The following UNC5D variants were observed in gnomAD, a reference collection of about 807,000 sequenced individuals.
UNC5D encodes unc-5 netrin receptor D.
UNC5D carries 39 observed loss-of-function variants against 105.4 expected under a neutral mutation model. The observed-to-expected ratio is 0.37, with a 90% CI of 0.29 to 0.48. The LOEUF (loss-of-function observed/expected upper bound fraction) is 0.48, where lower values mean the gene tolerates loss of function less well. Ranked by LOEUF, UNC5D falls within the 20% of genes least tolerant of loss-of-function variation. The probability of loss-of-function intolerance (pLI) is 0.98; values close to 1 mark genes in which losing one functional copy is unlikely to be tolerated. For synonymous variants in UNC5D, 452 were observed against 450.4 expected (o/e 1.00, Z -0.04); for missense variants, 991 against 1,202.4 (o/e 0.82, Z 2.60).
intron 2 of UNC5D, among the ~76,000 whole-genome samples, chr8:35,550,662 C>T (rs1250955850): frequency 6.6e-6 from 1 of 152,096 alleles, no homozygotes; most frequent in Non-Finnish European, 1.5e-5. Context: ...CAAATATGCC[C>T]ATGAATGCTA....
At chr8:35,595,438 T>A (rs1300625405) in intron 3 of UNC5D, 116 bp from the exon 4 acceptor site, 1 of 782,638 alleles carries the variant, frequency 1.3e-6, no homozygotes, top group Admixed American at 2.2e-5. Flanking sequence ...AAGTGACTTA[T>A]TTTTGTGTGT....
chr8:35,614,193 A>G (rs1163086104), intron 4 of UNC5D, among the ~76,000 whole-genome samples: 1 of 152,176 alleles, frequency 6.6e-6, no homozygotes, highest in Non-Finnish European at 1.5e-5. Context: ...GGTGTTCTTA[A>G]TGAAAGGTTC....
intron 1 of UNC5D, among the ~76,000 whole-genome samples, chr8:35,383,894 C>A (rs1803198739): frequency 1.3e-5 from 2 of 151,996 alleles, no homozygotes; most frequent in Non-Finnish European, 2.9e-5. Context: ...GCCTGGGTGA[C>A]ATAACAAGAC....
intron 7 of UNC5D, among the ~76,000 whole-genome samples, chr8:35,697,967 C>G (rs745571209): frequency 1.3e-5 from 2 of 152,006 alleles, no homozygotes; most frequent in African/African-American, 2.4e-5. Flanking sequence ...AATCTCAACC[C>G]CCACCATCTT....
intron 1 of UNC5D, among the ~76,000 whole-genome samples, chr8:35,407,301 C>T (rs1804867851): frequency 6.6e-6 from 1 of 151,856 alleles, no homozygotes; most frequent in Non-Finnish European, 1.5e-5. Flanking sequence ...AGAACATATC[C>T]CTGTTGTTAA....
chr8:35,438,801 T>G (rs1166412147), intron 1 of UNC5D, among the ~76,000 whole-genome samples: 1 of 152,016 alleles, frequency 6.6e-6, no homozygotes, highest in Non-Finnish European at 1.5e-5. Flanking sequence ...CTAAAGAATT[T>G]AGGATATCAA....
chr8:35,657,078 G>GTGTGTGTA (rs1823801558), intron 4 of UNC5D, among the ~76,000 whole-genome samples: 2 of 80,558 alleles, frequency 2.5e-5, no homozygotes, highest in Non-Finnish European at 4.6e-5. Context: ...GTGTGTGTGT[G>GTGTGTGTA]TGTATATATA....
At chr8:35,352,904 A>G (rs982877187) in intron 1 of UNC5D, among the ~76,000 whole-genome samples, 2 of 152,076 alleles carry the variant, frequency 1.3e-5, no homozygotes, top group Non-Finnish European at 2.9e-5. Flanking sequence ...TGAGCCACTG[A>G]GCCTGGCCAA....
At chr8:35,766,120 T>C (rs868440758) in intron 14 of UNC5D, among the ~76,000 whole-genome samples, 7 of 152,216 alleles carry the variant, frequency 4.6e-5, no homozygotes, top group South Asian at 4.2e-4. Flanking sequence ...TACTAAAAGG[T>C]ATTTTTGCCT....
intron 1 of UNC5D, among the ~76,000 whole-genome samples, chr8:35,278,534 C>A (rs1805928948): frequency 6.6e-6 from 1 of 151,888 alleles, no homozygotes; most frequent in Non-Finnish European, 1.5e-5. Flanking sequence ...TGTACATTAC[C>A]TAGAGAACCA....
intron 1 of UNC5D, among the ~76,000 whole-genome samples, chr8:35,421,359 G>A (rs778114549): frequency 3.3e-5 from 5 of 152,082 alleles, no homozygotes; most frequent in Non-Finnish European, 5.9e-5. Context: ...CTCACCTAAC[G>A]CCTGTATGGG....
chr8:35,730,313 A>G (rs186825695), intron 10 of UNC5D, among the ~76,000 whole-genome samples: 98 of 152,280 alleles, frequency 6.4e-4, no homozygotes, highest in Non-Finnish European at 1.3e-3. Flanking sequence ...CCCTTCCTGC[A>G]TTGTATGATT....
At chr8:35,688,919 A>C (rs1052088904) in intron 7 of UNC5D, among the ~76,000 whole-genome samples, 2 of 152,218 alleles carry the variant, frequency 1.3e-5, no homozygotes, top group African/African-American at 4.8e-5. Context: ...GAAAGAACTA[A>C]GCTTTTTGAA....
intron 1 of UNC5D, among the ~76,000 whole-genome samples, chr8:35,486,111 T>C (rs189771244): frequency 5.9e-4 from 90 of 152,328 alleles, no homozygotes; most frequent in Admixed American, 2.4e-3. Flanking sequence ...GGTTCCCATA[T>C]AAGGAGAGAG....
intron 7 of UNC5D, among the ~76,000 whole-genome samples, chr8:35,699,395 C>T (rs1563681306): frequency 6.6e-6 from 1 of 152,310 alleles, no homozygotes; most frequent in South Asian, 2.1e-4. Context: ...TGGTACCCTT[C>T]TGACTTCATC....
At chr8:35,260,707 A>C (rs1585435496) in intron 1 of UNC5D, among the ~76,000 whole-genome samples, 1 of 152,184 alleles carries the variant, frequency 6.6e-6, no homozygotes, top group Non-Finnish European at 1.5e-5. Context: ...CAGGGAATCC[A>C]CACACGTCTG....
chr8:35,563,922 T>G (rs916508496), intron 2 of UNC5D, among the ~76,000 whole-genome samples: 2 of 152,192 alleles, frequency 1.3e-5, no homozygotes, highest in African/African-American at 2.4e-5. Flanking sequence ...GTTTATTGAT[T>G]TGCATATGTT....
intron 1 of UNC5D, among the ~76,000 whole-genome samples, chr8:35,283,276 A>G (rs553469646): frequency 6.6e-6 from 1 of 152,194 alleles, no homozygotes; most frequent in East Asian, 1.9e-4. Flanking sequence ...TACAAATACA[A>G]GAGTTGATTT....
intron 1 of UNC5D, among the ~76,000 whole-genome samples, chr8:35,315,011 T>C (rs1323150629): frequency 6.6e-6 from 1 of 152,144 alleles, no homozygotes; most frequent in Non-Finnish European, 1.5e-5. Flanking sequence ...GTATTCCAGG[T>C]TGGTAAACTT....
Sources: allele counts gnomAD v4.1 joint callset (sites outside exome capture counted in the v4.1 genomes callset), GRCh38; gene constraint gnomAD v4.1.1; transcripts MANE v1.5; gene names NCBI Gene and HGNC (gene_info 2026-07-23, HGNC 2026-07-21).